Variants in TPM1 observed in about 807,000 individuals in gnomAD.
TPM1 encodes tropomyosin 1.
In TPM1, 24 loss-of-function variants were observed where a neutral mutation model predicts 42.9. The observed-to-expected ratio is 0.56, with a 90% CI of 0.41 to 0.79. The LOEUF is 0.79. Among genes scored for constraint, TPM1 ranks in the 30% least tolerant of loss-of-function variants. The pLI is 0.00. For synonymous variants in TPM1, 136 were observed against 130.1 expected (o/e 1.05, Z -0.31); for missense variants, 158 against 351.8 (o/e 0.45, Z 4.41).
chr15:63,044,066 G>C lies in TPM1; in HGVS notation c.154G>C (p.Gly52Arg). 6.2e-7 allele frequency: 1 copy of C among 1,614,144 alleles called. No individual in the cohort carries two copies. ...ELVSLQKKLK[G>R]TEDELDKYSE... ...GGTGTCACTGCAAAAGAAACTCAAGGGCACCGAAGATGAACTGGACAAATA... is the reference window on the plus strand; with the variant it reads ...GGTGTCACTGCAAAAGAAACTCAAGCGCACCGAAGATGAACTGGACAAATA... Residue 52 changes from glycine (G) to arginine (R), a missense_variant, in exon 2 of 10, where the codon GGC becomes CGC. This residue lies in a region of TPM1 where 65 missense variants were observed against 208.8 expected (regional missense o/e 0.31). Coordinates refer to ENST00000403994, the MANE Select transcript of TPM1 (RefSeq NM_001018005.2).
At chr15:63,067,615 G>A (rs2036352249), downstream of TPM1, among the ~76,000 whole-genome samples, 1 of 152,246 alleles carries the variant, frequency 6.6e-6, no homozygotes, top group Middle Eastern at 3.4e-3. Flanking sequence ...GGGGAAGTGG[G>A]GCACTAATGG....
At chr15:63,069,980 G>C (rs73440433), downstream of TPM1, 6 of 1,613,328 alleles carry the variant, frequency 3.7e-6, no homozygotes, top group African/African-American at 4.0e-5. Flanking sequence ...AATTCTAGGC[G>C]TGGAGCCCAT....
Position 63,062,120 on chromosome 15 carries a change from A to G in TPM1, c.640-95A>G, listed in dbSNP as rs568405010. On this transcript the variant is annotated intron_variant, in intron 6 of 9. Transcript: ENST00000403994. ...TTCCATTACCTCCTAAGAGATCCTT[A>G]ACATCTGTTGGCTGAGCTGGCGAGT... The G allele has an allele frequency of 4.7e-4, 514 of 1,098,822 alleles. 1 individual carries two copies. The highest frequency in any genetic ancestry group is 5.6e-4 in the Non-Finnish European group (401 of 713,756). 68.1% of individuals were successfully genotyped at this position (1,098,822 alleles called of 1,614,324 possible).
chr15:63,070,444 C>T, downstream of TPM1: 3 of 994,378 alleles, frequency 3.0e-6, no homozygotes, highest in Non-Finnish European at 3.6e-6. Context: ...GGAACTCATG[C>T]CAGAAGCCCC....
chr15:63,050,325 G>T (rs2033591129), intron 2 of TPM1, among the ~76,000 whole-genome samples: 1 of 152,202 alleles, frequency 6.6e-6, no homozygotes, highest in Admixed American at 6.5e-5. Flanking sequence ...GAATGAAGAG[G>T]AAGTGGGCGG....
chr15:63,060,959 G>A lies in TPM1; in HGVS notation c.563+20G>A, dbSNP rs2140953908. 1 of 1,613,660 alleles carries A rather than the reference G, an allele frequency of 6.2e-7. No homozygotes were observed. The highest frequency in any genetic ancestry group is 8.5e-7 in the Non-Finnish European group (1 of 1,179,976). On this transcript the variant is annotated intron_variant, in intron 5 of 9. Transcript: ENST00000403994. Reference sequence around the variant, plus strand: ...AGAAGGGTAAGCGGGCCCGGCGCCAGGAGGCCACGAATGGGGTGCTGCAGA... The same window carrying A: ...AGAAGGGTAAGCGGGCCCGGCGCCAAGAGGCCACGAATGGGGTGCTGCAGA...
At chr15:63,051,129 A>G (rs56925010) in intron 2 of TPM1, among the ~76,000 whole-genome samples, 137 of 152,310 alleles carry the variant, frequency 9.0e-4, no homozygotes, top group African/African-American at 3.3e-3. Context: ...TCATTATTTA[A>G]AGAAAAAGGC....
chr15:63,060,251 G>A (rs541482814), intron 4 of TPM1, among the ~76,000 whole-genome samples: 45 of 152,276 alleles, frequency 3.0e-4, no homozygotes, highest in African/African-American at 9.6e-4. Context: ...GGATCACATC[G>A]TGGCTATCCT....
intron 9 of TPM1, chr15:63,064,583 T>G (rs2036062290): frequency 9.6e-7 from 1 of 1,039,244 alleles, no homozygotes; most frequent in Non-Finnish European, 1.2e-6. Flanking sequence ...AAGTGTCAGG[T>G]TATTGAGAAT....
At chr15:63,043,682 G>T in intron 1 of TPM1, 2 of 1,540,622 alleles carry the variant, frequency 1.3e-6, no homozygotes, top group African/African-American at 1.4e-5. Context: ...CCGGCCGCCC[G>T]CGCCCGCCCG....
Position 63,054,204 on chromosome 15 carries a change from T to C in TPM1, c.241-2781T>C, listed in dbSNP as rs189213074. ...ACAAACTGGCACCTAGAAACTGGTC[T>C]CCATGCCCAGTCGTTGCTGGGGCAC... is the stretch of plus-strand genomic sequence containing the variant. On this transcript the variant is annotated intron_variant, in intron 2 of 9. Transcript: ENST00000403994. 6.2e-3 allele frequency among the ~76,000 whole-genome samples: 945 copies of C among 152,262 alleles called. 8 individuals are homozygous for C. Among genetic ancestry groups the C allele is most frequent in the Non-Finnish European group, 6.5e-3 (442 of 68,008 alleles).
intron 2 of TPM1, chr15:63,048,812 C>G (rs2033159240): frequency 6.9e-7 from 1 of 1,456,540 alleles, no homozygotes; most frequent in South Asian, 1.2e-5. Flanking sequence ...GTCCCTCGTC[C>G]CCACGCCTCC....
chr15:63,069,542 A>G (rs910621429), downstream of TPM1, among the ~76,000 whole-genome samples: 2 of 152,214 alleles, frequency 1.3e-5, no homozygotes, highest in Admixed American at 6.5e-5. Flanking sequence ...GCCAGAAACC[A>G]TGTATGGCTC....
chr15:63,048,879 C>T lies in TPM1; in HGVS notation c.240+4727C>T, dbSNP rs568900365. On this transcript the variant is annotated intron_variant, in intron 2 of 9. Coordinates refer to ENST00000403994, the MANE Select transcript of TPM1 (RefSeq NM_001018005.2). ...CGGCGGGCTCTGGGGAGGGGCCCGGCCTGTTCTCCTGAGCCTTTGTTTTCC... is the reference window on the plus strand; with the variant it reads ...CGGCGGGCTCTGGGGAGGGGCCCGGTCTGTTCTCCTGAGCCTTTGTTTTCC... 6.9e-5 allele frequency: 55 copies of T among 799,338 alleles called. No homozygotes were observed. The African/African-American group carries it at 7.9e-4, about 12-fold the overall frequency. 49.5% of individuals were successfully genotyped at this position (799,338 alleles called of 1,614,324 possible).
intron 4 of TPM1, chr15:63,060,110 C>A (rs183035634): frequency 4.6e-6 from 1 of 215,128 alleles, no homozygotes; most frequent in East Asian, 1.1e-4. Flanking sequence ...AGGCCTCTCT[C>A]CTCAAGGGTG....
chr15:63,043,947 T>C (rs1399650885), intron 1 of TPM1, 80 bp from the exon 2 acceptor site: 12 of 1,565,106 alleles, frequency 7.7e-6, no homozygotes, highest in African/African-American at 1.4e-5. Flanking sequence ...TCTGGTTCTG[T>C]GCACCCACAC....
intron 7 of TPM1, 40 bp downstream of exon 7, chr15:63,062,317 A>G (rs1473872060): frequency 1.3e-6 from 2 of 1,594,934 alleles, no homozygotes; most frequent in Non-Finnish European, 1.7e-6. Context: ...TGGATTTTAA[A>G]TGAGTTTGTT....
At chr15:63,052,430 G>A (rs2034071600) in intron 2 of TPM1, among the ~76,000 whole-genome samples, 1 of 152,192 alleles carries the variant, frequency 6.6e-6, no homozygotes, top group Non-Finnish European at 1.5e-5. Context: ...GGCTGAGGCA[G>A]GAGAATCGCT....
At chr15:63,064,917 A>G (rs2036109381) in intron 9 of TPM1, 27 of 850,452 alleles carry the variant, frequency 3.2e-5, no homozygotes, top group Non-Finnish European at 3.8e-5. Context: ...CAGTCAGCCG[A>G]GATCGCACCA....
Sources: gnomAD v4.1 joint callset for allele counts (sites outside exome capture counted in the v4.1 genomes callset) on GRCh38, gnomAD v4.1.1 for gene constraint, gnomAD v4.1.1 regional missense constraint, MANE v1.5 for transcripts, NCBI Gene and HGNC (gene_info 2026-07-23, HGNC 2026-07-21) for gene names.